Variants in FOXN3 observed in about 807,000 individuals in gnomAD.
The protein encoded by FOXN3 is forkhead box protein N3.
A neutral mutation model predicts 38.4 loss-of-function variants in FOXN3; 7 were observed. The ratio of observed to expected loss-of-function variants is 0.18; its 90% confidence interval spans 0.10 to 0.34. FOXN3 has a LOEUF of 0.34. Among genes scored for constraint, FOXN3 ranks in the 10% least tolerant of loss-of-function variants. The probability of loss-of-function intolerance (pLI) is 1.00; values close to 1 mark genes in which losing one functional copy is unlikely to be tolerated. For missense variants in FOXN3, 456 were observed against 613.4 expected, an observed-to-expected ratio of 0.74 and a Z score of 2.71; for synonymous variants, 230 against 242.2, an observed-to-expected ratio of 0.95 and a Z score of 0.47.
chr14:89,483,339 A>C (rs900884321), intron 1 of FOXN3, among the ~76,000 whole-genome samples: 2 of 152,208 alleles, frequency 1.3e-5, no homozygotes, highest in Non-Finnish European at 2.9e-5. Flanking sequence ...GATGCAAGAG[A>C]GCTACACTGG....
At chr14:89,501,884 G>A (rs945181318) in intron 1 of FOXN3, among the ~76,000 whole-genome samples, 7 of 151,716 alleles carry the variant, frequency 4.6e-5, no homozygotes, top group South Asian at 2.1e-4. Context: ...CACTAAATAC[G>A]GCCAGGTGCG....
intron 1 of FOXN3, among the ~76,000 whole-genome samples, chr14:89,457,872 G>A (rs1257103815): frequency 6.6e-6 from 1 of 152,040 alleles, no homozygotes; most frequent in Admixed American, 6.6e-5. Flanking sequence ...AAATCAGCTG[G>A]GCGTGGTGGC....
intron 4 of FOXN3, among the ~76,000 whole-genome samples, chr14:89,225,609 A>C (rs929797598): frequency 1.3e-5 from 2 of 152,296 alleles, no homozygotes; most frequent in Middle Eastern, 3.4e-3. Context: ...GTCTCAAAAA[A>C]AATAAAAATA....
At chr14:89,316,249 C>A (rs1268645644) in intron 3 of FOXN3, among the ~76,000 whole-genome samples, 2 of 152,128 alleles carry the variant, frequency 1.3e-5, no homozygotes, top group African/African-American at 2.4e-5. Flanking sequence ...CAGAGACAGG[C>A]CCCAGCTGTC....
chr14:89,456,574 C>T (rs1163735051), intron 1 of FOXN3, among the ~76,000 whole-genome samples: 2 of 152,028 alleles, frequency 1.3e-5, no homozygotes, highest in East Asian at 3.9e-4. Context: ...GGCAACATGG[C>T]GAAAGCCCAT....
At chr14:89,546,933 T>C (rs1894898515) in intron 1 of FOXN3, among the ~76,000 whole-genome samples, 1 of 151,492 alleles carries the variant, frequency 6.6e-6, no homozygotes, top group Non-Finnish European at 1.5e-5. Flanking sequence ...ACAAAGCACC[T>C]GCCACCACAC....
intron 1 of FOXN3, among the ~76,000 whole-genome samples, chr14:89,453,429 G>T (rs577393951): frequency 6.6e-6 from 1 of 150,534 alleles, no homozygotes; most frequent in Non-Finnish European, 1.5e-5. Context: ...GCGTGGTGGC[G>T]GGCGCCTGTA....
chr14:89,437,007 C>A (rs1027884578), intron 1 of FOXN3, among the ~76,000 whole-genome samples: 1 of 151,980 alleles, frequency 6.6e-6, no homozygotes, highest in Admixed American at 6.6e-5. Flanking sequence ...ATTAGCCAGG[C>A]GTGGTGGCAG....
At chr14:89,469,028 T>C (rs966944981) in intron 1 of FOXN3, among the ~76,000 whole-genome samples, 3 of 152,210 alleles carry the variant, frequency 2.0e-5, no homozygotes, top group African/African-American at 7.2e-5. Flanking sequence ...AAATTTTGCA[T>C]CATATCTGCT....
intron 1 of FOXN3, among the ~76,000 whole-genome samples, chr14:89,588,390 A>G (rs1895887692): frequency 6.6e-6 from 1 of 152,194 alleles, no homozygotes; most frequent in Non-Finnish European, 1.5e-5. Flanking sequence ...GGACAAAAAA[A>G]GCCCAGGAAT....
chr14:89,302,478 G>A (rs560964839), intron 3 of FOXN3, among the ~76,000 whole-genome samples: 14 of 152,114 alleles, frequency 9.2e-5, no homozygotes, highest in Middle Eastern at 3.4e-3. Context: ...TTCCTATGGC[G>A]AATAAAGAGG....
intron 4 of FOXN3, chr14:89,185,641 C>T (rs1266373093): frequency 6.6e-6 from 1 of 152,276 alleles, no homozygotes; most frequent in Non-Finnish European, 1.5e-5. Context: ...CCAGACAAGG[C>T]CCAGGCCTCT....
chr14:89,377,132 C>T (rs1282843181), intron 2 of FOXN3, among the ~76,000 whole-genome samples: 1 of 144,866 alleles, frequency 6.9e-6, no homozygotes, highest in East Asian at 2.1e-4. Context: ...AGGAAATAAT[C>T]CATCAAATTC....
intron 3 of FOXN3, among the ~76,000 whole-genome samples, chr14:89,320,642 GGGGAATGAGAAGT>G (rs1887870160): frequency 6.6e-6 from 1 of 152,156 alleles, no homozygotes; most frequent in Non-Finnish European, 1.5e-5. Context: ...ATCACACTCA[GGGGAATGAGAAGT>G]CCTGCTCTGA....
intron 1 of FOXN3, among the ~76,000 whole-genome samples, chr14:89,563,420 ATG>A (rs1324261827): frequency 6.6e-6 from 1 of 152,244 alleles, no homozygotes; most frequent in East Asian, 1.9e-4. Flanking sequence ...TGGCAGATCC[ATG>A]ATGGAAGACA....
chr14:89,618,547 C>T (rs531471292), intron 1 of FOXN3, among the ~76,000 whole-genome samples: 2 of 152,252 alleles, frequency 1.3e-5, no homozygotes, highest in South Asian at 4.1e-4. Flanking sequence ...GATAGCCAAA[C>T]AGTTGCGACA....
At chr14:89,171,903 A>G (rs187906869) in intron 5 of FOXN3, among the ~76,000 whole-genome samples, 5 of 152,288 alleles carry the variant, frequency 3.3e-5, no homozygotes, top group Admixed American at 3.3e-4. Context: ...AAGAAAAGAT[A>G]CAATAATTAG....
At chr14:89,397,935 T>C (rs1164961412) in intron 2 of FOXN3, among the ~76,000 whole-genome samples, 1 of 152,162 alleles carries the variant, frequency 6.6e-6, no homozygotes, top group Admixed American at 6.5e-5. Flanking sequence ...TCTTCCCCCT[T>C]ATGCGTCCCT....
chr14:89,316,961 G>A (rs922023273), intron 3 of FOXN3, among the ~76,000 whole-genome samples: 2 of 152,036 alleles, frequency 1.3e-5, no homozygotes, highest in Non-Finnish European at 2.9e-5. Flanking sequence ...CACCACACCC[G>A]GCCACCAATG....
Sources: allele counts gnomAD v4.1 joint callset (sites outside exome capture counted in the v4.1 genomes callset), GRCh38; gene constraint gnomAD v4.1.1; transcripts MANE v1.5; gene names NCBI Gene and HGNC (gene_info 2026-07-23, HGNC 2026-07-21).